The following RB1 variants were observed in gnomAD, a reference collection of about 807,000 sequenced individuals.
RB1 encodes the protein RB transcriptional corepressor 1, also known as retinoblastoma-associated protein.
A neutral mutation model predicts 135.4 loss-of-function variants in RB1; 18 were observed. The observed-to-expected ratio is 0.13, with a 90% CI of 0.09 to 0.20. The LOEUF is 0.20. RB1 is among the 10% of genes least tolerant of loss of function. The pLI, the probability that RB1 is intolerant of heterozygous loss-of-function variation, is 1.00. For missense variants in RB1, 868 were observed against 1,110.0 expected (o/e 0.78, Z 3.10); for synonymous variants, 365 against 373.2 (o/e 0.98, Z 0.25).
intron 11 of RB1, among the ~76,000 whole-genome samples, chr13:48,369,311 T>C (rs1397464741): frequency 1.3e-5 from 2 of 152,198 alleles, no homozygotes; most frequent in South Asian, 2.1e-4. Context: ...CTTTTCTCCA[T>C]TTCTGCTCTC....
At chr13:48,436,025 TAA>T (rs1028656816) in intron 17 of RB1, among the ~76,000 whole-genome samples, 1 of 152,158 alleles carries the variant, frequency 6.6e-6, no homozygotes, top group African/African-American at 2.4e-5. Context: ...ATTGTAAATA[TAA>T]AGACACGAAT....
chr13:48,430,826 G>A (rs1454142546), intron 17 of RB1, among the ~76,000 whole-genome samples: 1 of 152,106 alleles, frequency 6.6e-6, no homozygotes, highest in African/African-American at 2.4e-5. Flanking sequence ...CAAAGAGGCT[G>A]AAGCAGAAGG....
At chr13:48,375,530 C>T (rs547747) in intron 12 of RB1, among the ~76,000 whole-genome samples, 139,726 of 149,610 alleles carry the variant, frequency 0.93, 65,670 homozygotes, top group East Asian at 1. Flanking sequence ...GTGAAAATGT[C>T]GCCAGACAAT....
chr13:48,461,507 A>T (rs1373645631), intron 20 of RB1, among the ~76,000 whole-genome samples: 1 of 152,134 alleles, frequency 6.6e-6, no homozygotes, highest in East Asian at 1.9e-4. Flanking sequence ...CTAGGTACAT[A>T]CCTAGGAGTA....
intron 8 of RB1, among the ~76,000 whole-genome samples, chr13:48,363,848 C>T (rs1344667119): frequency 6.6e-6 from 1 of 152,156 alleles, no homozygotes; most frequent in African/African-American, 2.4e-5. Flanking sequence ...TTATTATTTA[C>T]AGCGTCTACA....
intron 1 of RB1, among the ~76,000 whole-genome samples, chr13:48,305,628 T>A (rs1417008496): frequency 6.6e-6 from 1 of 151,410 alleles, no homozygotes; most frequent in East Asian, 1.9e-4. Context: ...TTTTATATAT[T>A]TTAAGTAATG....
At chr13:48,341,335 A>G (rs1372841537) in intron 2 of RB1, 1 of 149,000 alleles carries the variant, frequency 6.7e-6, no homozygotes, top group African/African-American at 2.5e-5. Context: ...TTTTTTTTTT[A>G]TATTTGGGTT....
chr13:48,329,214 A>G lies in RB1; in HGVS notation c.265-13385A>G, dbSNP rs145089085. Among the ~76,000 whole-genome samples the G allele has an allele frequency of 5.1e-3, 782 of 152,292 alleles. 4 individuals are homozygous for G. Among genetic ancestry groups the G allele is most frequent in the Non-Finnish European group, 8.2e-3 (556 of 68,012 alleles). Reference sequence around the variant, plus strand: ...GTTTTAATTTACCTCATTTATATGCATCTTGATATTGCATTTTCATATTCT... The same window carrying G: ...GTTTTAATTTACCTCATTTATATGCGTCTTGATATTGCATTTTCATATTCT... On this transcript the variant is annotated intron_variant, in intron 2 of 26. Coordinates refer to ENST00000267163, the MANE Select transcript of RB1 (RefSeq NM_000321.3).
chr13:48,313,511 C>G (rs1460712553), intron 2 of RB1, among the ~76,000 whole-genome samples: 4 of 139,298 alleles, frequency 2.9e-5, no homozygotes, highest in Non-Finnish European at 6.2e-5. Flanking sequence ...TCTTGTCAGT[C>G]TTGGGTTTTT....
intron 2 of RB1, among the ~76,000 whole-genome samples, chr13:48,334,765 C>A (rs1045295926): frequency 1.3e-5 from 2 of 152,024 alleles, no homozygotes; most frequent in Admixed American, 6.6e-5. Context: ...TTTAAAAAAG[C>A]GAGTATAAGT....
chr13:48,378,678 T>G (rs976789889), intron 13 of RB1, among the ~76,000 whole-genome samples: 2 of 152,124 alleles, frequency 1.3e-5, no homozygotes, highest in Non-Finnish European at 2.9e-5. Flanking sequence ...TTATTAAGTA[T>G]TATGTACTGT....
In RB1 at chr13:48,456,271, G is replaced by A. The variant is rs2138331271; in HGVS notation, c.1882G>A (p.Ala628Thr). Residue 628 changes from alanine to threonine, a missense_variant, in exon 19 of 27, where the codon GCA becomes ACA. Around this residue, in one of 3 missense-constraint regions of RB1, gnomAD observed 641 missense variants for 791.3 expected, o/e 0.81. Coordinates refer to ENST00000267163, the MANE Select transcript of RB1 (RefSeq NM_000321.3). ...TACGCGTGTAAATTCTACTGCAAAT[G>A]CAGAGACACAAGCAACCTCAGCCTT... ...STTRVNSTAN[A>T]ETQATSAFQT... 6 of 1,614,200 alleles carry A rather than the reference G, an allele frequency of 3.7e-6. No individual in the cohort carries two copies. Among genetic ancestry groups the A allele is most frequent in the Non-Finnish European group, 5.1e-6 (6 of 1,180,038 alleles).
At chr13:48,393,071 A>G (rs150049147) in intron 17 of RB1, among the ~76,000 whole-genome samples, 1 of 152,180 alleles carries the variant, frequency 6.6e-6, no homozygotes. Context: ...CATATATGAC[A>G]AGGTTTTTCC....
In RB1 at chr13:48,381,817, A is replaced by ATATATCTCCTAATGC. The variant is rs1266643346; in HGVS notation, c.1695+378_1695+392dup. Among the ~76,000 whole-genome samples, 4 of 152,010 alleles carry ATATATCTCCTAATGC rather than the reference A, an allele frequency of 2.6e-5. No homozygotes were observed. In the East Asian group the frequency reaches 5.8e-4, roughly 22 times the overall value. On this transcript the variant is annotated intron_variant, in intron 17 of 26. Transcript: ENST00000267163. ...CCCATTAACTTGTCATTTACATTAG[A>ATATATCTCCTAATGC]TATATCTCCTAATGCTATCCCTCCC...
chr13:48,386,983 C>G (rs1948575831), intron 17 of RB1, among the ~76,000 whole-genome samples: 1 of 152,148 alleles, frequency 6.6e-6, no homozygotes, highest in African/African-American at 2.4e-5. Flanking sequence ...CTGCAACTAA[C>G]CTTTAAGAAA....
At chr13:48,323,151 G>C (rs1952255941) in intron 2 of RB1, among the ~76,000 whole-genome samples, 1 of 152,026 alleles carries the variant, frequency 6.6e-6, no homozygotes, top group South Asian at 2.1e-4. Flanking sequence ...TCTGGGCCTG[G>C]ACTTTTCTCT....
chr13:48,412,680 C>T, intron 17 of RB1: 1 of 520,566 alleles, frequency 1.9e-6, no homozygotes, highest in East Asian at 3.6e-5. Flanking sequence ...AATTCCAAGG[C>T]TCAGTTAACT....
intron 17 of RB1, among the ~76,000 whole-genome samples, chr13:48,399,610 A>G (rs1384744071): frequency 6.6e-6 from 1 of 152,072 alleles, no homozygotes; most frequent in Non-Finnish European, 1.5e-5. Flanking sequence ...ATGGGTTTTC[A>G]TGTGGGTCCT....
intron 8 of RB1, among the ~76,000 whole-genome samples, chr13:48,363,400 TA>T (rs3834502): frequency 6.6e-6 from 1 of 151,802 alleles, no homozygotes; most frequent in African/African-American, 2.4e-5. Context: ...AATACATATT[TA>T]AAAAAATGAA....
Sources: allele counts gnomAD v4.1 joint callset (sites outside exome capture counted in the v4.1 genomes callset), GRCh38; gene constraint gnomAD v4.1.1; regional missense constraint gnomAD v4.1.1; transcripts MANE v1.5; gene names NCBI Gene and HGNC (gene_info 2026-07-23, HGNC 2026-07-21).